Variants in PDS5B observed in about 807,000 individuals in gnomAD.
PDS5B encodes the protein sister chromatid cohesion protein PDS5 homolog B.
In PDS5B, 51 loss-of-function variants were observed where a neutral mutation model predicts 184.1. The ratio of observed to expected loss-of-function variants is 0.28; its 90% CI spans 0.22 to 0.35. PDS5B has a LOEUF of 0.35. Ranked by LOEUF, PDS5B falls within the 10% of genes least tolerant of loss-of-function variation. The pLI, the probability that PDS5B is intolerant of heterozygous loss-of-function variation, is 1.00. For missense variants in PDS5B, 1,180 were observed against 1,723.3 expected (o/e 0.68, Z 5.58); for synonymous variants, 566 against 569.2 (o/e 0.99, Z 0.08).
intron 7 of PDS5B, among the ~76,000 whole-genome samples, chr13:32,669,311 G>C (rs977216639): frequency 6.6e-6 from 1 of 150,826 alleles, no homozygotes; most frequent in Non-Finnish European, 1.5e-5. Flanking sequence ...AGGGGAGGGG[G>C]GACACATCTT....
At chr13:32,698,232 C>G (rs930486682) in intron 15 of PDS5B, among the ~76,000 whole-genome samples, 2 of 152,054 alleles carry the variant, frequency 1.3e-5, no homozygotes, top group Non-Finnish European at 2.9e-5. Context: ...TTCCCTACCC[C>G]CTTTTGCTTT....
chr13:32,750,993 A>C (rs992699467), intron 24 of PDS5B, among the ~76,000 whole-genome samples: 1 of 152,128 alleles, frequency 6.6e-6, no homozygotes, highest in East Asian at 1.9e-4. Context: ...GGTGATAAGC[A>C]TAGTACCCAA....
At chr13:32,734,494 C>T (rs749163133) in intron 20 of PDS5B, among the ~76,000 whole-genome samples, 1 of 152,016 alleles carries the variant, frequency 6.6e-6, no homozygotes, top group Non-Finnish European at 1.5e-5. Context: ...TAATGAAGAT[C>T]CCCAAATTCA....
chr13:32,658,185 T>G (rs1950564675), intron 3 of PDS5B, 54 bp from the exon 4 acceptor site: 2 of 813,074 alleles, frequency 2.5e-6, no homozygotes, highest in Admixed American at 2.4e-5. Context: ...GTTTCATGGT[T>G]ATTTTCATTT....
intron 14 of PDS5B, among the ~76,000 whole-genome samples, chr13:32,695,426 T>C (rs139151866): frequency 5.7e-4 from 87 of 152,108 alleles, no homozygotes; most frequent in African/African-American, 2.0e-3. Context: ...AATAAGCATG[T>C]TTCAGTTAGT....
At chr13:32,666,216 G>C (rs1950791371) in intron 6 of PDS5B, among the ~76,000 whole-genome samples, 1 of 152,096 alleles carries the variant, frequency 6.6e-6, no homozygotes, top group Non-Finnish European at 1.5e-5. Flanking sequence ...AAGTAGCTGG[G>C]AGTATAGGCA....
At chr13:32,712,085 A>G (rs979923820) in intron 19 of PDS5B, among the ~76,000 whole-genome samples, 1 of 152,154 alleles carries the variant, frequency 6.6e-6, no homozygotes, top group East Asian at 1.9e-4. Context: ...AGCATTGACA[A>G]AGTTCAAATT....
At chr13:32,756,191 C>T (rs1331917040) in intron 26 of PDS5B, among the ~76,000 whole-genome samples, 1 of 152,066 alleles carries the variant, frequency 6.6e-6, no homozygotes, top group African/African-American at 2.4e-5. Context: ...CTGTACCAGT[C>T]TGGTGTTCCT....
At chr13:32,713,619 T>A (rs1414362738) in intron 19 of PDS5B, among the ~76,000 whole-genome samples, 1 of 151,996 alleles carries the variant, frequency 6.6e-6, no homozygotes, top group Non-Finnish European at 1.5e-5. Context: ...CTTGAGGAAA[T>A]CTGCATAGAA....
intron 17 of PDS5B, among the ~76,000 whole-genome samples, chr13:32,704,853 A>G (rs1478762258): frequency 6.6e-6 from 1 of 152,084 alleles, no homozygotes; most frequent in Non-Finnish European, 1.5e-5. Flanking sequence ...ATGTTTTTAT[A>G]TTTTGACTTG....
chr13:32,775,827 A>G lies in PDS5B; in HGVS notation c.*775A>G, dbSNP rs139116176. The G allele has an allele frequency of 1.1e-4, 34 of 309,732 alleles. No individual in the cohort carries two copies. Among genetic ancestry groups the G allele is most frequent in the African/African-American group, 7.5e-4 (34 of 45,120 alleles). 19.2% of individuals were successfully genotyped at this position (309,732 alleles called of 1,614,324 possible). ...TAAAGAGTGTGTTATAAAATAATGTACTGAATTCTTTATCCCATTTTATCA... is the reference window on the plus strand; with the variant it reads ...TAAAGAGTGTGTTATAAAATAATGTGCTGAATTCTTTATCCCATTTTATCA... On this transcript the variant is annotated 3_prime_UTR_variant, in exon 35 of 35. Coordinates refer to ENST00000315596, the MANE Select transcript of PDS5B (RefSeq NM_015032.4).
chr13:32,653,275 C>T (rs760834552), intron 3 of PDS5B, among the ~76,000 whole-genome samples: 4 of 151,394 alleles, frequency 2.6e-5, no homozygotes, highest in Admixed American at 6.6e-5. Flanking sequence ...GCCAACACAG[C>T]GAGAGTCTCA....
intron 19 of PDS5B, among the ~76,000 whole-genome samples, chr13:32,713,261 A>G (rs888447351): frequency 3.3e-5 from 5 of 152,222 alleles, no homozygotes; most frequent in South Asian, 2.1e-4. Flanking sequence ...GTGTTCAGTC[A>G]TCCGGGAGAT....
intron 1 of PDS5B, among the ~76,000 whole-genome samples, chr13:32,596,132 GTGA>G (rs1593232912): frequency 6.6e-6 from 1 of 152,098 alleles, no homozygotes; most frequent in African/African-American, 2.4e-5. Context: ...TTGATGAGGT[GTGA>G]TGATTATACA....
At chr13:32,681,056 G>A (rs1951224195) in intron 10 of PDS5B, among the ~76,000 whole-genome samples, 1 of 152,132 alleles carries the variant, frequency 6.6e-6, no homozygotes, top group Non-Finnish European at 1.5e-5. Context: ...GAGAGGCAGT[G>A]CTGGAAATAT....
intron 25 of PDS5B, among the ~76,000 whole-genome samples, chr13:32,755,471 T>C (rs1009137276): frequency 6.6e-6 from 1 of 152,152 alleles, no homozygotes; most frequent in African/African-American, 2.4e-5. Flanking sequence ...AAACATAGGG[T>C]CATTTCTAAT....
intron 1 of PDS5B, among the ~76,000 whole-genome samples, chr13:32,587,311 A>C (rs148407877): frequency 2.6e-5 from 4 of 152,202 alleles, no homozygotes; most frequent in African/African-American, 9.6e-5. Context: ...GTCCCCGAGC[A>C]GCCAGTTGAG....
intron 31 of PDS5B, among the ~76,000 whole-genome samples, chr13:32,769,917 A>G (rs1055417556): frequency 6.6e-6 from 1 of 152,164 alleles, no homozygotes; most frequent in Admixed American, 6.5e-5. Flanking sequence ...TAAGAGTGCA[A>G]ATGTACCCTT....
At chr13:32,773,928 C>G (rs1954875088) in intron 34 of PDS5B, among the ~76,000 whole-genome samples, 1 of 152,054 alleles carries the variant, frequency 6.6e-6, no homozygotes, top group Non-Finnish European at 1.5e-5. Context: ...CTCAGCTTCC[C>G]AAGTAGCTGA....
Sources: allele counts gnomAD v4.1 joint callset (sites outside exome capture counted in the v4.1 genomes callset), GRCh38; gene constraint gnomAD v4.1.1; transcripts MANE v1.5; gene names NCBI Gene and HGNC (gene_info 2026-07-23, HGNC 2026-07-21).